The following GUCY2F variants were observed in gnomAD, a reference collection of about 807,000 sequenced individuals.
The protein encoded by GUCY2F is guanylate cyclase 2F, retinal, also known as retinal guanylyl cyclase 2.
GUCY2F carries 61 observed loss-of-function variants against 73.1 expected under a neutral mutation model. That is an observed-to-expected ratio of 0.83 (90% CI 0.68 to 1.03). The LOEUF (loss-of-function observed/expected upper bound fraction) is 1.03, where lower values mean the gene tolerates loss of function less well. Among genes scored for constraint, GUCY2F ranks in the 50% least tolerant of loss-of-function variants. The probability of loss-of-function intolerance (pLI) is 0.00; values close to 1 mark genes in which losing one functional copy is unlikely to be tolerated. For missense variants in GUCY2F, 912 were observed against 854.3 expected (o/e 1.07, Z -0.84); for synonymous variants, 331 against 307.8 (o/e 1.08, Z -0.79).
In GUCY2F at chrX:109,404,474, T is replaced by C; in HGVS notation, c.1979A>G (p.Tyr660Cys). The C allele has an allele frequency of 8.4e-7, 1 of 1,186,061 alleles. No individual in the cohort carries two copies. Among genetic ancestry groups the C allele is most frequent in the Non-Finnish European group, 1.1e-6 (1 of 874,055 alleles). Residue 660 changes from tyrosine (Y) to cysteine (C), a missense_variant, in exon 10 of 20, where the codon TAC (tyrosine) becomes TGC (cysteine). Physicochemically the swap from Tyr to Cys is radical, Grantham distance 194. Coordinates refer to ENST00000218006, the MANE Select transcript of GUCY2F (RefSeq NM_001522.3). The stretch of plus-strand genomic sequence containing the variant: ...ATGAACAAACTCTCTGTGGTGTAAG[T>C]ACTTCATGCCCTGTAGATGACACAA... ...LLLDLIKGMK[Y>C]LHHREFVHGR...
intron 8 of GUCY2F, among the ~76,000 whole-genome samples, chrX:109,412,798 G>A (rs1404640375): frequency 1.8e-5 from 2 of 111,765 alleles, no homozygotes; most frequent in East Asian, 5.6e-4. Context: ...CAATAAAATG[G>A]GAGAGGAAGT....
At chrX:109,441,013 C>T (rs1056347401) in intron 7 of GUCY2F, among the ~76,000 whole-genome samples, 5 of 112,193 alleles carry the variant, frequency 4.5e-5, no homozygotes, top group Admixed American at 1.9e-4. Flanking sequence ...CATCTCATTA[C>T]AAACAATAGA....
chrX:109,430,332 G>T lies in GUCY2F; in HGVS notation c.1766C>A (p.Ser589Ter). The T allele has an allele frequency of 9.0e-7, 1 of 1,108,460 alleles. No individual in the cohort carries two copies. The highest frequency in any genetic ancestry group is 1.2e-6 in the Non-Finnish European group (1 of 801,365). The allele number at this position is 1,108,460 out of a possible 1,213,427, so 91.3% of individuals were successfully genotyped here. A position where few individuals can be genotyped will look rare whatever the true frequency, so the allele number is the denominator to read the frequency against. Reference sequence around the variant, plus strand: ...CATTTCGAACACATCACTTGCTCTTGATTTGATGGACTTAAGGTCTCCAAA... The same window carrying T: ...CATTTCGAACACATCACTTGCTCTTTATTTGATGGACTTAAGGTCTCCAAA... The part of the protein sequence containing the change: ...GDFGDLKSIK[S>*]RASDVFEMMK... The change falls in exon 8 of 20, where the codon TCA becomes TAA. Residue 589 changes from serine (S) to a stop codon, truncating the protein, a stop_gained. Transcript: ENST00000218006. LOFTEE classifies it high-confidence loss of function.
rs1930909982 is a variant in GUCY2F, at chrX:109,403,892, A to C, written c.2125+436T>G. On this transcript the variant is annotated intron_variant, in intron 10 of 19. Transcript: ENST00000218006. ...AACCACAGAGCATTTATTTGCTGAGAGATCACTCCTCGCTTCTTCCTCTCT... is the reference window on the plus strand; with the variant it reads ...AACCACAGAGCATTTATTTGCTGAGCGATCACTCCTCGCTTCTTCCTCTCT... Among the ~76,000 whole-genome samples the C allele has an allele frequency of 2.7e-5, 3 of 112,524 alleles. No homozygotes were observed. The South Asian group carries it at 1.1e-3, about 42-fold the overall frequency.
intron 4 of GUCY2F, 29 bp from the exon 5 acceptor site, chrX:109,452,136 T>A: frequency 1.2e-6 from 1 of 800,647 alleles, no homozygotes; most frequent in Non-Finnish European, 1.9e-6. Context: ...AGAGGAAGAA[T>A]GGCATTATCA....
At chrX:109,395,303 G>T (rs377039980) in intron 12 of GUCY2F, 38 bp downstream of exon 12, 10 of 1,152,387 alleles carry the variant, frequency 8.7e-6, no homozygotes, top group African/African-American at 1.8e-5. Context: ...CTGACTTCAG[G>T]AAGGCTCCTG....
At chrX:109,394,234 CCTAT>C (rs755873745) in intron 12 of GUCY2F, among the ~76,000 whole-genome samples, 6 of 112,227 alleles carry the variant, frequency 5.3e-5, no homozygotes, top group Admixed American at 9.4e-5. Flanking sequence ...GTACACTCCC[CCTAT>C]CTATCACTGG....
At chrX:109,476,969 T>C (rs1024428135) in intron 1 of GUCY2F, among the ~76,000 whole-genome samples, 1 of 110,687 alleles carries the variant, frequency 9.0e-6, no homozygotes, top group African/African-American at 3.3e-5. Flanking sequence ...TATGCCATGA[T>C]TGAATACTGT....
chrX:109,421,736 T>G (rs926156480), intron 8 of GUCY2F, among the ~76,000 whole-genome samples: 7 of 111,372 alleles, frequency 6.3e-5, no homozygotes, highest in African/African-American at 2.3e-4. Context: ...GATGGTAAAT[T>G]TTATGTTATG....
intron 4 of GUCY2F, 50 bp downstream of exon 4, chrX:109,453,455 T>C: frequency 2.5e-6 from 2 of 811,943 alleles, no homozygotes; most frequent in Non-Finnish European, 3.6e-6. Flanking sequence ...GAGGTTCCCT[T>C]GTAACCCAAG....
chrX:109,392,775 G>T (rs1460389796), intron 13 of GUCY2F, 117 bp downstream of exon 13: 4 of 451,669 alleles, frequency 8.9e-6, no homozygotes, highest in Non-Finnish European at 1.1e-5. Flanking sequence ...GAGAAGAGAA[G>T]GTGCAGGACA....
At chrX:109,453,144 G>A (rs1169354937) in intron 4 of GUCY2F, among the ~76,000 whole-genome samples, 2 of 111,543 alleles carry the variant, frequency 1.8e-5, no homozygotes, top group South Asian at 3.8e-4. Flanking sequence ...AACATCAAGG[G>A]ATGGATAGGG....
At chrX:109,413,560 A>G (rs1374201976) in intron 8 of GUCY2F, among the ~76,000 whole-genome samples, 1 of 110,758 alleles carries the variant, frequency 9.0e-6, no homozygotes, top group East Asian at 2.8e-4. Context: ...GCATGCCACT[A>G]CACTCAGCTA....
chrX:109,427,922 A>C (rs886999846), intron 8 of GUCY2F, among the ~76,000 whole-genome samples: 5 of 112,248 alleles, frequency 4.5e-5, no homozygotes, highest in Non-Finnish European at 9.4e-5. Context: ...AGAATTAGAG[A>C]GTTTAGTATG....
intron 7 of GUCY2F, among the ~76,000 whole-genome samples, chrX:109,436,406 A>T (rs772559947): frequency 1.8e-5 from 2 of 110,900 alleles, no homozygotes; most frequent in African/African-American, 3.3e-5. Flanking sequence ...AACTAGAAAT[A>T]CCATTTGACC....
At position 109,398,653 on chromosome X, in the gene GUCY2F, C is replaced by A. The variant is rs950184660; in HGVS notation, c.2171G>T (p.Ser724Ile). 5 of 1,208,184 alleles carry A rather than the reference C, an allele frequency of 4.1e-6. No individual in the cohort carries two copies. Among genetic ancestry groups the A allele is most frequent in the Non-Finnish European group, 5.6e-6 (5 of 893,482 alleles). ...ATCTCCTGCAAAAGAACCTAACCTG[C>A]TGCCTCTTGGAGCTCTCAACAGTTC... ...APELLRAPRG[S>I]RLGSFAGDVY... Residue 724 changes from serine to isoleucine, a missense_variant, in exon 11 of 20, where the codon AGC (serine) becomes ATC (isoleucine). Ser to Ile is a moderately radical substitution (Grantham distance 142). Coordinates refer to ENST00000218006, the MANE Select transcript of GUCY2F (RefSeq NM_001522.3).
chrX:109,441,067 A>T (rs1931856232), intron 7 of GUCY2F, among the ~76,000 whole-genome samples: 1 of 112,142 alleles, frequency 8.9e-6, no homozygotes, highest in Non-Finnish European at 1.9e-5. Flanking sequence ...TATCTTCTGG[A>T]GTGACAGACA....
Position 109,381,173 on chromosome X carries a change from T to A in GUCY2F, c.3150+945A>T, listed in dbSNP as rs889870839. Among the ~76,000 whole-genome samples, 9 of 112,574 alleles carry A rather than the reference T, an allele frequency of 8.0e-5. No individual in the cohort carries two copies. In the East Asian group the frequency reaches 2.0e-3, roughly 25 times the overall value. Reference sequence around the variant, plus strand: ...TTAACATCTGAAATCTAGCTACATGTAACTTGCCACTGTTTAGAAAAGGAA... The same window carrying A: ...TTAACATCTGAAATCTAGCTACATGAAACTTGCCACTGTTTAGAAAAGGAA... On this transcript the variant is annotated intron_variant, in intron 17 of 19. Transcript: ENST00000218006.
intron 3 of GUCY2F, among the ~76,000 whole-genome samples, chrX:109,463,622 A>G (rs1319539548): frequency 9.1e-6 from 1 of 110,136 alleles, no homozygotes; most frequent in Non-Finnish European, 1.9e-5. Flanking sequence ...TAGTTTTAGT[A>G]GAGATGGGGT....
Sources: gnomAD v4.1 joint callset for allele counts (sites outside exome capture counted in the v4.1 genomes callset) on GRCh38, gnomAD v4.1.1 for gene constraint, MANE v1.5 for transcripts, NCBI Gene and HGNC (gene_info 2026-07-23, HGNC 2026-07-21) for gene names.